CNOT4: variants seen among roughly 807,000 people sequenced by gnomAD.
CNOT4 encodes the protein CCR4-NOT transcription complex subunit 4.
CNOT4 carries 8 observed loss-of-function variants against 73.8 expected under a neutral mutation model. The ratio of observed to expected loss-of-function variants is 0.11; its 90% CI spans 0.06 to 0.20. The LOEUF (loss-of-function observed/expected upper bound fraction) is 0.20. CNOT4 is among the 10% of genes least tolerant of loss of function. The pLI is 1.00. For synonymous variants in CNOT4, 293 were observed against 321.1 expected (o/e 0.91, Z 0.94); for missense variants, 564 against 883.4 (o/e 0.64, Z 4.58).
intron 7 of CNOT4, among the ~76,000 whole-genome samples, chr7:135,400,737 G>A (rs1216679876): frequency 1.3e-5 from 2 of 152,134 alleles, no homozygotes; most frequent in Non-Finnish European, 2.9e-5. Flanking sequence ...TTTTATCAAA[G>A]ATGTTTTAAA....
chr7:135,489,441 G>A (rs574409895), intron 1 of CNOT4, among the ~76,000 whole-genome samples: 5 of 142,382 alleles, frequency 3.5e-5, no homozygotes, highest in African/African-American at 1.3e-4. Flanking sequence ...TGTCCCCCAG[G>A]CTGGAGTGCA....
intron 1 of CNOT4, among the ~76,000 whole-genome samples, chr7:135,472,545 AT>A (rs1801698733): frequency 3.2e-5 from 3 of 94,850 alleles, no homozygotes; most frequent in African/African-American, 1.3e-4. Flanking sequence ...ATATATATAT[AT>A]ATATATATAT....
chr7:135,471,293 T>C (rs1801560284), intron 1 of CNOT4, among the ~76,000 whole-genome samples: 1 of 151,368 alleles, frequency 6.6e-6, no homozygotes, highest in African/African-American at 2.4e-5. Context: ...TCTCTAAGCA[T>C]GCCAATTCAT....
chr7:135,384,604 T>C (rs766672628), intron 10 of CNOT4: 39 of 755,534 alleles, frequency 5.2e-5, no homozygotes, highest in Non-Finnish European at 7.8e-5. Flanking sequence ...TCTTAAGCTA[T>C]ACCACATGCT....
At chr7:135,411,561 T>G (rs115837529) in intron 6 of CNOT4, among the ~76,000 whole-genome samples, 1 of 152,118 alleles carries the variant, frequency 6.6e-6, no homozygotes, top group African/African-American at 2.4e-5. Flanking sequence ...TGGGAAAAAT[T>G]AGGCAAAGAT....
chr7:135,435,998 TC>T (rs1799133089), intron 2 of CNOT4, among the ~76,000 whole-genome samples: 1 of 151,770 alleles, frequency 6.6e-6, no homozygotes, highest in Non-Finnish European at 1.5e-5. Context: ...TTTCCTAGGA[TC>T]CTGAAGCACT....
chr7:135,423,834 T>C (rs558013091), intron 2 of CNOT4, among the ~76,000 whole-genome samples: 1 of 152,244 alleles, frequency 6.6e-6, no homozygotes, highest in East Asian at 1.9e-4. Context: ...AACTTATTTG[T>C]GAGTGGAAGG....
intron 2 of CNOT4, among the ~76,000 whole-genome samples, chr7:135,429,086 T>A (rs909642811): frequency 1.3e-5 from 2 of 152,144 alleles, no homozygotes; most frequent in African/African-American, 2.4e-5. Flanking sequence ...GAAGGGGAAG[T>A]CTCTCCATTA....
intron 1 of CNOT4, among the ~76,000 whole-genome samples, chr7:135,445,500 G>C (rs898101519): frequency 6.6e-6 from 1 of 152,114 alleles, no homozygotes; most frequent in African/African-American, 2.4e-5. Context: ...AGAAATGCTT[G>C]GAGTGCTTCT....
chr7:135,443,330 G>A (rs1459855598), intron 1 of CNOT4, among the ~76,000 whole-genome samples: 5 of 151,572 alleles, frequency 3.3e-5, no homozygotes, highest in Admixed American at 1.3e-4. Flanking sequence ...ACTCCAGCCT[G>A]GGCAACAGGG....
intron 3 of CNOT4, among the ~76,000 whole-genome samples, chr7:135,416,104 T>A (rs566466379): frequency 5.3e-5 from 8 of 152,318 alleles, no homozygotes; most frequent in African/African-American, 1.9e-4. Flanking sequence ...TTTCCTAGAA[T>A]GTATCTTTAG....
intron 10 of CNOT4, among the ~76,000 whole-genome samples, chr7:135,376,103 ACAC>A (rs1283949361): frequency 2.6e-5 from 4 of 152,042 alleles, no homozygotes; most frequent in Non-Finnish European, 5.9e-5. Flanking sequence ...TTAACAATGA[ACAC>A]CACAATGCCA....
chr7:135,452,589 G>T (rs917086634), intron 1 of CNOT4, among the ~76,000 whole-genome samples: 1 of 152,024 alleles, frequency 6.6e-6, no homozygotes, highest in African/African-American at 2.4e-5. Flanking sequence ...AAAAAGAAAA[G>T]AAAATAGCAG....
chr7:135,388,820 T>C lies in CNOT4; in HGVS notation c.1627+5098A>G, dbSNP rs772481992. On this transcript the variant is annotated intron_variant, in intron 10 of 11. Coordinates refer to ENST00000541284, the MANE Select transcript of CNOT4 (RefSeq NM_001190850.2). ...CAGGCCACAGTAGTGTGGAGACTTG[T>C]AGGCTGCTGTCCTTGTTGTAATGAA... 6 of 1,613,024 alleles carry C rather than the reference T, an allele frequency of 3.7e-6. No individual in the cohort carries two copies. The African/African-American group carries it at 5.3e-5, about 14-fold the overall frequency.
At chr7:135,430,076 C>T (rs930644153) in intron 2 of CNOT4, among the ~76,000 whole-genome samples, 3 of 152,094 alleles carry the variant, frequency 2.0e-5, no homozygotes, top group Non-Finnish European at 4.4e-5. Flanking sequence ...GAGTCCATGC[C>T]AATCATGAAT....
chr7:135,468,502 A>G (rs148579880), intron 1 of CNOT4, among the ~76,000 whole-genome samples: 3,403 of 151,996 alleles, frequency 0.022, 125 homozygotes, highest in African/African-American at 0.07. Flanking sequence ...CCAACATGGC[A>G]AAACCCTGTC....
chr7:135,490,555 T>A (rs533909600), intron 1 of CNOT4, among the ~76,000 whole-genome samples: 1 of 152,184 alleles, frequency 6.6e-6, no homozygotes, highest in Non-Finnish European at 1.5e-5. Context: ...GGAACAAATA[T>A]GTCTTTTCGT....
intron 1 of CNOT4, among the ~76,000 whole-genome samples, chr7:135,504,871 G>A (rs1804262736): frequency 1.3e-5 from 2 of 151,768 alleles, no homozygotes; most frequent in African/African-American, 4.8e-5. Context: ...CTCGTGATCT[G>A]CCCACCTCGG....
chr7:135,419,453 A>T (rs984738092), intron 3 of CNOT4, among the ~76,000 whole-genome samples: 1 of 152,218 alleles, frequency 6.6e-6, no homozygotes, highest in Non-Finnish European at 1.5e-5. Context: ...GAATTTTAAA[A>T]GATATTATTT....
Sources: gnomAD v4.1 joint callset for allele counts (sites outside exome capture counted in the v4.1 genomes callset) on GRCh38, gnomAD v4.1.1 for gene constraint, MANE v1.5 for transcripts, NCBI Gene and HGNC (gene_info 2026-07-23, HGNC 2026-07-21) for gene names.